COL21A1: variants seen among roughly 807,000 people sequenced by gnomAD.
COL21A1 encodes collagen alpha-1(XXI) chain.
COL21A1 carries 149 observed loss-of-function variants against 137.9 expected under a neutral mutation model. The ratio of observed to expected loss-of-function variants is 1.08; its 90% confidence interval spans 0.95 to 1.24. The LOEUF is 1.24. Among genes scored for constraint, COL21A1 ranks in the 50% most tolerant of loss-of-function variants. The pLI, the probability that COL21A1 is intolerant of heterozygous loss-of-function variation, is 0.00. For synonymous variants in COL21A1, 456 were observed against 391.5 expected, an observed-to-expected ratio of 1.16 and a Z score of -1.95; for missense variants, 1,167 against 1,158.4, an observed-to-expected ratio of 1.01 and a Z score of -0.11.
chr6:56,061,551 T>C lies in COL21A1; in HGVS notation c.2205+98A>G, dbSNP rs575020736. 1.7e-4 allele frequency: 112 copies of C among 660,742 alleles called. 1 individual carries two copies. In the African/African-American group the frequency reaches 1.8e-3, roughly 11 times the overall value. The allele number at this position is 660,742 out of a possible 1,614,324, so 40.9% of individuals were successfully genotyped here. On this transcript the variant is annotated intron_variant, in intron 25 of 29. Transcript: ENST00000244728. ...AGAAGATGAAAAACATTTCGTTTTC[T>C]GGTTTTTACTCAAAAGCTAGATTTA...
intron 1 of COL21A1, among the ~76,000 whole-genome samples, chr6:56,234,339 A>T (rs184023312): frequency 3.2e-4 from 48 of 152,002 alleles, no homozygotes; most frequent in African/African-American, 1.2e-3. Flanking sequence ...ATATAGTATG[A>T]AAAATAGAAT....
At chr6:56,080,807 T>C (rs1562163559) in intron 17 of COL21A1, among the ~76,000 whole-genome samples, 1 of 151,886 alleles carries the variant, frequency 6.6e-6, no homozygotes, top group African/African-American at 2.4e-5. Context: ...AAGTGATTTA[T>C]TCATTCTTAA....
At chr6:56,209,242 C>T (rs1257435865) in intron 1 of COL21A1, among the ~76,000 whole-genome samples, 1 of 152,108 alleles carries the variant, frequency 6.6e-6, no homozygotes, top group African/African-American at 2.4e-5. Context: ...GACTAAAACA[C>T]CAAAAGCAAA....
At chr6:56,379,139 C>T (rs978825081) in intron 1 of COL21A1, among the ~76,000 whole-genome samples, 6 of 152,186 alleles carry the variant, frequency 3.9e-5, no homozygotes, top group African/African-American at 1.2e-4. Context: ...GCGAAGACTA[C>T]AATAAATACC....
chr6:56,318,134 TTTAA>T (rs1476753707), intron 1 of COL21A1, among the ~76,000 whole-genome samples: 16 of 152,228 alleles, frequency 1.1e-4, no homozygotes, highest in African/African-American at 3.8e-4. Context: ...CAAGACAGAT[TTTAA>T]TTATTTTCAT....
intron 12 of COL21A1, 54 bp downstream of exon 12, chr6:56,141,731 A>G: frequency 6.4e-7 from 1 of 1,558,012 alleles, no homozygotes. Context: ...CACAGCTAAC[A>G]TCCTTTATCT....
At chr6:56,084,217 A>G (rs953123133) in intron 17 of COL21A1, among the ~76,000 whole-genome samples, 12 of 149,204 alleles carry the variant, frequency 8.0e-5, no homozygotes, top group African/African-American at 3.0e-4. Flanking sequence ...ATGCAGAAAA[A>G]ATATATATAT....
At chr6:56,294,149 A>G (rs1255695245) in intron 1 of COL21A1, among the ~76,000 whole-genome samples, 2 of 152,128 alleles carry the variant, frequency 1.3e-5, no homozygotes, top group Non-Finnish European at 2.9e-5. Context: ...AAATGGGACT[A>G]TCACTTACAA....
intron 16 of COL21A1, among the ~76,000 whole-genome samples, chr6:56,119,689 G>A (rs1772278058): frequency 6.6e-6 from 1 of 152,042 alleles, no homozygotes; most frequent in African/African-American, 2.4e-5. Flanking sequence ...AAAACAACAT[G>A]GTACTGGCAT....
intron 1 of COL21A1, among the ~76,000 whole-genome samples, chr6:56,381,333 A>G (rs2094008332): frequency 6.6e-6 from 1 of 152,192 alleles, no homozygotes; most frequent in African/African-American, 2.4e-5. Context: ...TAGACACCTA[A>G]ATTCAGATAT....
At chr6:56,389,084 T>C (rs1482672746) in intron 1 of COL21A1, among the ~76,000 whole-genome samples, 1 of 152,102 alleles carries the variant, frequency 6.6e-6, no homozygotes, top group Non-Finnish European at 1.5e-5. Flanking sequence ...CAAAGGAGGC[T>C]GGGCGTGGTG....
chr6:56,219,673 G>C (rs990278567), intron 1 of COL21A1, among the ~76,000 whole-genome samples: 1 of 152,074 alleles, frequency 6.6e-6, no homozygotes, highest in Non-Finnish European at 1.5e-5. Flanking sequence ...ATATCCTGAC[G>C]ATGGATGTGA....
At chr6:56,074,321 GAGA>G in intron 19 of COL21A1, 36 bp from the exon 20 acceptor site, 7 of 1,402,154 alleles carry the variant, frequency 5.0e-6, no homozygotes, top group Non-Finnish European at 6.9e-6. Flanking sequence ...GAGTAACTTA[GAGA>G]AGATTATTAA....
chr6:56,170,589 A>C, intron 5 of COL21A1, 60 bp downstream of exon 5: 1 of 1,162,886 alleles, frequency 8.6e-7, no homozygotes, highest in Non-Finnish European at 1.2e-6. Flanking sequence ...CAACACACAT[A>C]AACCCAATAG....
chr6:56,189,015 C>T (rs1298091858), intron 1 of COL21A1, among the ~76,000 whole-genome samples: 1 of 152,084 alleles, frequency 6.6e-6, no homozygotes, highest in Non-Finnish European at 1.5e-5. Flanking sequence ...GGGGAGAAAC[C>T]AGTGCAAAAA....
intron 14 of COL21A1, 77 bp downstream of exon 14, chr6:56,125,490 G>T: frequency 1.0e-6 from 1 of 984,770 alleles, no homozygotes; most frequent in Non-Finnish European, 1.6e-6. Flanking sequence ...TGCTGGGTTA[G>T]AACTGCAATT....
chr6:56,174,187 G>C lies in COL21A1; in HGVS notation c.641-3059C>G, dbSNP rs765417781. On this transcript the variant is annotated intron_variant, in intron 3 of 29. Transcript: ENST00000244728. ...GAGATGCAGGAAAACAGTACTAAGAGAGAAGTTTATAGCAATAAATGCCTA... is the reference window on the plus strand; with the variant it reads ...GAGATGCAGGAAAACAGTACTAAGACAGAAGTTTATAGCAATAAATGCCTA... Among the ~76,000 whole-genome samples the C allele has an allele frequency of 3.7e-4, 56 of 151,858 alleles. 1 individual carries two copies. The highest frequency in any genetic ancestry group is 2.6e-4 in the Non-Finnish European group (18 of 67,948).
Position 56,221,559 on chromosome 6 carries a change from T to C in COL21A1, c.-39+25828A>G, listed in dbSNP as rs545606466. Among the ~76,000 whole-genome samples the C allele has an allele frequency of 1.2e-4, 19 of 152,038 alleles. No homozygotes were observed. In the South Asian group the frequency reaches 3.5e-3, roughly 28 times the overall value. The stretch of plus-strand genomic sequence containing the variant: ...ACGACATGGCAAGACCCTGCCTCTA[T>C]AAAAAATTTTTAAAAGTTAGCTGAC... On this transcript the variant is annotated intron_variant, in intron 1 of 29. Coordinates refer to ENST00000244728, the MANE Select transcript of COL21A1 (RefSeq NM_030820.4).
chr6:56,359,033 T>A, intron 1 of COL21A1, among the ~76,000 whole-genome samples: 1 of 150,376 alleles, frequency 6.6e-6, no homozygotes, highest in South Asian at 2.2e-4. Flanking sequence ...GAATAATTTT[T>A]CTCAAAACTT....
Sources: gnomAD v4.1 joint callset for allele counts (sites outside exome capture counted in the v4.1 genomes callset) on GRCh38, gnomAD v4.1.1 for gene constraint, MANE v1.5 for transcripts, NCBI Gene and HGNC (gene_info 2026-07-23, HGNC 2026-07-21) for gene names.